Variants in EDEM2 observed in about 807,000 individuals in gnomAD.
The protein encoded by EDEM2 is ER degradation enhancing alpha-mannosidase like protein 2, also known as ER degradation-enhancing alpha-mannosidase-like protein 2.
A neutral mutation model predicts 64.8 loss-of-function variants in EDEM2; 39 were observed. That is an observed-to-expected ratio of 0.60 (90% CI 0.47 to 0.79). The LOEUF is 0.79. Among genes scored for constraint, EDEM2 ranks in the 30% least tolerant of loss-of-function variants. The pLI is 0.00. For synonymous variants in EDEM2, 296 were observed against 291.5 expected (o/e 1.02, Z -0.16); for missense variants, 609 against 731.3 (o/e 0.83, Z 1.93).
In EDEM2 at chr20:35,115,365, A is replaced by G; in HGVS notation, c.*68T>C. The G allele has an allele frequency of 6.6e-7, 1 of 1,508,696 alleles. No homozygotes were observed. The highest frequency in any genetic ancestry group is 8.9e-7 in the Non-Finnish European group (1 of 1,127,642). 93.5% of individuals were successfully genotyped at this position (1,508,696 alleles called of 1,614,324 possible). On this transcript the variant is annotated 3_prime_UTR_variant, in exon 11 of 11. Transcript: ENST00000374492. ...ATATGTAAAACATGATAACCAAAAT[A>G]TGATAGCCAAAAGCAATTTATTATA...
At chr20:35,138,199 G>C (rs188482478) in intron 4 of EDEM2, among the ~76,000 whole-genome samples, 194 bp from the exon 5 acceptor site, 8 of 152,222 alleles carry the variant, frequency 5.3e-5, no homozygotes, top group African/African-American at 1.9e-4. Context: ...CTGGGAAGGA[G>C]CTAGAGCCAC....
At chr20:35,132,583 G>A (rs7265281) in intron 6 of EDEM2, among the ~76,000 whole-genome samples, 8,556 of 152,252 alleles carry the variant, frequency 0.056, 805 homozygotes, top group African/African-American at 0.2. Context: ...GAACCCAAGA[G>A]GGGGAGGTTG....
At chr20:35,134,501 A>G (rs899000261) in intron 6 of EDEM2, among the ~76,000 whole-genome samples, 2 of 152,194 alleles carry the variant, frequency 1.3e-5, no homozygotes, top group Non-Finnish European at 2.9e-5. Context: ...GAGAATCTCA[A>G]CTGGTCAAAG....
chr20:35,132,344 T>C (rs1201799550), intron 6 of EDEM2, among the ~76,000 whole-genome samples: 1 of 151,776 alleles, frequency 6.6e-6, no homozygotes, highest in Admixed American at 6.6e-5. Context: ...TCAGTCTCTG[T>C]AGAGACTGTG....
chr20:35,137,765 A>G (rs1445838179), intron 5 of EDEM2, 115 bp downstream of exon 5: 2 of 1,456,450 alleles, frequency 1.4e-6, no homozygotes, highest in African/African-American at 2.8e-5. Flanking sequence ...TAGAAAGACC[A>G]AATACACCTG....
rs373012180 is a variant in EDEM2 at position 35,118,656 on chromosome 20, C to G, written c.1178G>C (p.Gly393Ala). ...ATGDPTLLEL[G>A]RDAVESIEKI... ...TTCAATGGATTCCACAGCATCTCTT[C>G]CGAGTTCTAGGAGGGTGGGATCCCC... The change falls in exon 10 of 11, where the codon GGA becomes GCA. Residue 393 changes from glycine (G) to alanine (A), a missense_variant. Physicochemically the swap from Gly to Ala is moderately conservative, Grantham distance 60 (BLOSUM62 0). Transcript: ENST00000374492. 1.2e-6 allele frequency: 2 copies of G among 1,613,880 alleles called. No homozygotes were observed.
chr20:35,126,305 C>T lies in EDEM2; in HGVS notation c.915G>A (p.Gly305=). The T allele has an allele frequency of 6.2e-7, 1 of 1,614,102 alleles. No homozygotes were observed. The highest frequency in any genetic ancestry group is 1.1e-5 in the South Asian group (1 of 91,070). ...ACTGGAAGACTGGCATGGACACAGT[C>T]CCCTTGTACATCTGAACCCACAGGT... ...DWYLWVQMYK[G]TVSMPVFQSL... is the part of the protein sequence containing the mutation. Residue 305 remains glycine, a synonymous_variant, in exon 8 of 11, where the codon GGG becomes GGA. Transcript: ENST00000374492.
chr20:35,116,603 C>T (rs2085312262), intron 10 of EDEM2, among the ~76,000 whole-genome samples: 1 of 152,166 alleles, frequency 6.6e-6, no homozygotes, highest in South Asian at 2.1e-4. Context: ...CAAATGCTTC[C>T]TCACCAGAAA....
intron 4 of EDEM2, 95 bp downstream of exon 4, chr20:35,142,278 T>C (rs2085665252): frequency 2.0e-6 from 2 of 1,001,466 alleles, no homozygotes; most frequent in Non-Finnish European, 3.0e-6. Flanking sequence ...GGTCCTGGCA[T>C]GGTCAGTCCT....
intron 9 of EDEM2, 62 bp downstream of exon 9, chr20:35,123,828 G>A (rs1381464592): frequency 2.5e-6 from 4 of 1,584,028 alleles, no homozygotes; most frequent in Middle Eastern, 2.2e-4. Context: ...CCTTGTAGAG[G>A]GGATTTGGGG....
chr20:35,137,528 C>A (rs1439324322), intron 5 of EDEM2, among the ~76,000 whole-genome samples: 1 of 152,192 alleles, frequency 6.6e-6, no homozygotes, highest in African/African-American at 2.4e-5. Flanking sequence ...AACACCCTTC[C>A]CTGGGCCCCT....
chr20:35,134,755 G>A lies in EDEM2; in HGVS notation c.685C>T (p.Arg229Trp), dbSNP rs1456362023. Residue 229 changes from arginine (R) to tryptophan (W), a missense_variant, in exon 6 of 11, where the codon CGG becomes TGG. Physicochemically the swap from Arg to Trp is moderately radical, Grantham distance 101. Coordinates refer to ENST00000374492, the MANE Select transcript of EDEM2 (RefSeq NM_018217.3). ...RVALMRLWES[R>W]SDIGLVGNHI... is the part of the protein sequence containing the mutation. ...GAACCTACCAGCCCGATATCTGACC[G>A]GCTCTCCCAGAGGCGCATCAAAGCC... The A allele has an allele frequency of 4.3e-6, 7 of 1,613,260 alleles. No homozygotes were observed. The highest frequency in any genetic ancestry group is 2.2e-5 in the East Asian group (1 of 44,882).
intron 10 of EDEM2, among the ~76,000 whole-genome samples, 160 bp from the exon 11 acceptor site, chr20:35,116,093 A>G (rs1370811552): frequency 2.0e-5 from 3 of 152,174 alleles, no homozygotes; most frequent in African/African-American, 4.8e-5. Flanking sequence ...AGCCACCATC[A>G]TCTCTCACCT....
At chr20:35,137,748 TG>T in intron 5 of EDEM2, 131 bp downstream of exon 5, 1 of 1,327,262 alleles carries the variant, frequency 7.5e-7, no homozygotes, top group Non-Finnish European at 1.0e-6. Flanking sequence ...GGTGGGTGCC[TG>T]GTGGGTAGAA....
Position 35,124,043 on chromosome 20 carries a change from G to A in EDEM2, c.970-9C>T. 1.2e-6 allele frequency: 2 copies of A among 1,609,098 alleles called. No homozygotes were observed. The highest frequency in any genetic ancestry group is 1.7e-6 in the Non-Finnish European group (2 of 1,175,970). On this transcript the variant is annotated splice_polypyrimidine_tract_variant and intron_variant, in intron 8 of 10. Coordinates refer to ENST00000374492, the MANE Select transcript of EDEM2 (RefSeq NM_018217.3). Reference sequence around the variant, plus strand: ...ATGTCTCCAATGAGGCTCTGTGGGAGAAAGTGGCTGTCAGGCAGGTAGACA... The same window carrying A: ...ATGTCTCCAATGAGGCTCTGTGGGAAAAAGTGGCTGTCAGGCAGGTAGACA...
At chr20:35,142,132 A>T (rs1401426396) in intron 4 of EDEM2, among the ~76,000 whole-genome samples, 1 of 152,140 alleles carries the variant, frequency 6.6e-6, no homozygotes, top group East Asian at 1.9e-4. Flanking sequence ...GAGGTGAGTA[A>T]TCTGGTGTAT....
At chr20:35,144,929 A>T (rs1158680325) in intron 3 of EDEM2, 50 bp downstream of exon 3, 3 of 1,591,838 alleles carry the variant, frequency 1.9e-6, no homozygotes, top group Non-Finnish European at 2.6e-6. Flanking sequence ...AAGAGGAAGG[A>T]TGTTGGTTAT....
At chr20:35,119,020 G>A (rs755545757) in intron 9 of EDEM2, among the ~76,000 whole-genome samples, 4 of 152,252 alleles carry the variant, frequency 2.6e-5, no homozygotes, top group African/African-American at 7.2e-5. Flanking sequence ...TCTGTTCCCC[G>A]CTTCCTCCTT....
chr20:35,134,770 G>T lies in EDEM2; in HGVS notation c.670C>A (p.Arg224Ser). The part of the protein sequence containing the change: ...FEDVARVALM[R>S]LWESRSDIGL... The stretch of plus-strand genomic sequence containing the variant: ...ATATCTGACCGGCTCTCCCAGAGGC[G>T]CATCAAAGCCACTCTGGCCACATCT... The change falls in exon 6 of 11, where the codon CGC becomes AGC. Residue 224 changes from arginine (R) to serine (S), a missense_variant. Coordinates refer to ENST00000374492, the MANE Select transcript of EDEM2 (RefSeq NM_018217.3). The T allele has an allele frequency of 6.2e-7, 1 of 1,613,702 alleles. No individual in the cohort carries two copies. Among genetic ancestry groups the T allele is most frequent in the Non-Finnish European group, 8.5e-7 (1 of 1,180,026 alleles).
Sources: gnomAD v4.1 joint callset for allele counts (sites outside exome capture counted in the v4.1 genomes callset) on GRCh38, gnomAD v4.1.1 for gene constraint, MANE v1.5 for transcripts, NCBI Gene and HGNC (gene_info 2026-07-23, HGNC 2026-07-21) for gene names.